KALRN: variants seen among roughly 807,000 people sequenced by gnomAD.
KALRN encodes kalirin.
KALRN carries 70 observed loss-of-function variants against 353.7 expected under a neutral mutation model. The ratio of observed to expected loss-of-function variants is 0.20; its 90% CI spans 0.16 to 0.24. The LOEUF (loss-of-function observed/expected upper bound fraction) is 0.24, where lower values mean the gene tolerates loss of function less well. Among genes scored for constraint, KALRN ranks in the 10% least tolerant of loss-of-function variants. The pLI is 1.00. For missense variants in KALRN, 2,791 were observed against 3,756.7 expected, an observed-to-expected ratio of 0.74 and a Z score of 6.72; for synonymous variants, 1,391 against 1,434.8, an observed-to-expected ratio of 0.97 and a Z score of 0.69.
intron 33 of KALRN, chr3:124,519,411 C>G: frequency 2.0e-6 from 2 of 985,360 alleles, no homozygotes; most frequent in South Asian, 9.4e-5. Flanking sequence ...AACCCCACAC[C>G]AAGGCAAGAG....
chr3:124,601,729 G>A (rs373845930), intron 34 of KALRN, among the ~76,000 whole-genome samples: 1 of 151,972 alleles, frequency 6.6e-6, no homozygotes, highest in South Asian at 2.1e-4. Flanking sequence ...TGCCTTTTAC[G>A]GCTCAGAAAT....
chr3:124,369,393 A>G (rs2085506886), intron 10 of KALRN, among the ~76,000 whole-genome samples: 1 of 152,124 alleles, frequency 6.6e-6, no homozygotes, highest in South Asian at 2.1e-4. Context: ...CTCCACTCCC[A>G]CTTTCCAATT....
chr3:124,425,740 C>CTT (rs2092983495), intron 15 of KALRN, among the ~76,000 whole-genome samples: 1 of 152,158 alleles, frequency 6.6e-6, no homozygotes, highest in East Asian at 1.9e-4. Context: ...CCCTAATTCT[C>CTT]TTTTCCTTCG....
At chr3:124,673,419 G>A (rs12496988) in intron 48 of KALRN, among the ~76,000 whole-genome samples, 2 of 147,066 alleles carry the variant, frequency 1.4e-5, no homozygotes, top group Admixed American at 6.9e-5. Context: ...TGAAGAATTT[G>A]TATGTATATC....
At chr3:124,711,508 A>G (rs2062887257) in intron 57 of KALRN, among the ~76,000 whole-genome samples, 1 of 152,064 alleles carries the variant, frequency 6.6e-6, no homozygotes. Context: ...GTGGGTTAGG[A>G]CACCTCATGG....
At chr3:124,207,281 G>A (rs2076494309) in intron 1 of KALRN, among the ~76,000 whole-genome samples, 6 of 152,228 alleles carry the variant, frequency 3.9e-5, no homozygotes. Flanking sequence ...TGCCAGGAAA[G>A]GGGTATGGCA....
intron 38 of KALRN, among the ~76,000 whole-genome samples, chr3:124,651,642 T>G (rs1439250107): frequency 6.7e-6 from 1 of 148,800 alleles, no homozygotes; most frequent in East Asian, 1.9e-4. Flanking sequence ...TCTATCTTTT[T>G]TTTTTTTTTT....
intron 25 of KALRN, among the ~76,000 whole-genome samples, chr3:124,470,491 A>G (rs2060778430): frequency 6.6e-6 from 1 of 151,936 alleles, no homozygotes; most frequent in Non-Finnish European, 1.5e-5. Context: ...ATCTTATTCA[A>G]ACTTATCAAT....
chr3:124,398,909 A>C, intron 13 of KALRN, 38 bp downstream of exon 13: 4 of 1,563,082 alleles, frequency 2.6e-6, no homozygotes, highest in Non-Finnish European at 3.5e-6. Flanking sequence ...AGAGGGGCCA[A>C]GAAGTGCTTC....
intron 10 of KALRN, among the ~76,000 whole-genome samples, chr3:124,350,090 CT>C (rs1398679404): frequency 5.3e-5 from 8 of 152,224 alleles, no homozygotes; most frequent in African/African-American, 1.7e-4. Context: ...TGCCCTCTGC[CT>C]GATATAGCCT....
At chr3:124,286,078 CCTTCCTTTCTTTCTTT>C (rs1467552139) in intron 5 of KALRN, among the ~76,000 whole-genome samples, 199 of 107,008 alleles carry the variant, frequency 1.9e-3, no homozygotes, top group African/African-American at 6.0e-3. Flanking sequence ...TTCTTTCTTT[CCTTCCTTTCTTTCTTT>C]CTTTCTTTCT....
At chr3:124,181,945 A>C (rs2073654047) in intron 1 of KALRN, among the ~76,000 whole-genome samples, 1 of 152,204 alleles carries the variant, frequency 6.6e-6, no homozygotes, top group Non-Finnish European at 1.5e-5. Context: ...TCTTGTTACC[A>C]ACCTGAGTTT....
intron 33 of KALRN, among the ~76,000 whole-genome samples, chr3:124,554,985 C>G (rs558749066): frequency 6.6e-5 from 10 of 152,304 alleles, no homozygotes; most frequent in African/African-American, 2.4e-4. Flanking sequence ...CTAGCCATCT[C>G]TCCATTCTAC....
At chr3:124,604,170 C>T (rs139814811) in intron 34 of KALRN, among the ~76,000 whole-genome samples, 1 of 151,636 alleles carries the variant, frequency 6.6e-6, no homozygotes, top group Non-Finnish European at 1.5e-5. Context: ...TATTATTATA[C>T]TTTAAGTTTT....
rs1171112502 is a variant in KALRN at position 124,658,411 on chromosome 3, GTC to G, written c.6037-12_6037-11del. ...ACACAAGATGCCTGACTGTCCACAT[GTC>G]TCTCTCTGCTCTTTCAGGAGCGGAA... On this transcript the variant is annotated intron_variant, in intron 41 of 59. Coordinates refer to ENST00000682506, the MANE Select transcript of KALRN (RefSeq NM_001388419.1). 34 of 1,586,598 alleles carry G rather than the reference GTC, an allele frequency of 2.1e-5. No homozygotes were observed. The highest frequency in any genetic ancestry group is 2.6e-5 in the Non-Finnish European group (30 of 1,155,054).
chr3:124,634,160 G>A (rs1175083835), intron 36 of KALRN, among the ~76,000 whole-genome samples: 1 of 152,172 alleles, frequency 6.6e-6, no homozygotes, highest in African/African-American at 2.4e-5. Flanking sequence ...TGGAGGGGGT[G>A]TGTGCAGAAT....
chr3:124,379,514 T>C (rs1052054154), intron 10 of KALRN, among the ~76,000 whole-genome samples: 1 of 152,172 alleles, frequency 6.6e-6, no homozygotes, highest in Middle Eastern at 3.2e-3. Context: ...TAAAGTTACA[T>C]GGAAAAAAAT....
At position 124,495,955 on chromosome 3, in the gene KALRN, G is replaced by GTATATA. The variant is rs1448727495; in HGVS notation, c.4833-355_4833-354insATATAT. Among the ~76,000 whole-genome samples, 25 of 27,420 alleles carry GTATATA rather than the reference G, an allele frequency of 9.1e-4. 1 individual carries two copies. The highest frequency in any genetic ancestry group is 1.1e-3 in the Non-Finnish European group (18 of 16,224). The allele number at this position is 27,420 out of a possible 152,430, so 18.0% of individuals were successfully genotyped here. ...CAGACCCGTTCCCAAGTGTGTGTAT[G>GTATATA]TGTATGTATGTATATATATATATAT... On this transcript the variant is annotated intron_variant, in intron 32 of 59. Coordinates refer to ENST00000682506, the MANE Select transcript of KALRN (RefSeq NM_001388419.1).
intron 10 of KALRN, among the ~76,000 whole-genome samples, chr3:124,363,904 G>A (rs2084339562): frequency 6.6e-6 from 1 of 152,256 alleles, no homozygotes; most frequent in South Asian, 2.1e-4. Context: ...AGTGGAAACA[G>A]CATGATGCTT....
Sources: allele counts gnomAD v4.1 joint callset (sites outside exome capture counted in the v4.1 genomes callset), GRCh38; gene constraint gnomAD v4.1.1; transcripts MANE v1.5; gene names NCBI Gene and HGNC (gene_info 2026-07-23, HGNC 2026-07-21).